Variants in SDHAF4 observed in about 807,000 individuals in gnomAD.
SDHAF4 encodes succinate dehydrogenase assembly factor 4, mitochondrial.
A neutral mutation model predicts 14.3 loss-of-function variants in SDHAF4; 14 were observed. That is an observed-to-expected ratio of 0.98 (90% confidence interval 0.65 to 1.53). The LOEUF (loss-of-function observed/expected upper bound fraction) is 1.53. Among genes scored for constraint, SDHAF4 ranks in the 40% most tolerant of loss-of-function variants. The pLI, the probability that SDHAF4 is intolerant of heterozygous loss-of-function variation, is 0.00. For missense variants in SDHAF4, 141 were observed against 129.3 expected, an observed-to-expected ratio of 1.09 and a Z score of -0.44; for synonymous variants, 63 against 47.3, an observed-to-expected ratio of 1.33 and a Z score of -1.36.
At chr6:70,597,299 ATTT>A in the SDHAF4 span, among the ~76,000 whole-genome samples, 4 of 108,072 alleles carry the variant, frequency 3.7e-5, no homozygotes, top group African/African-American at 1.2e-4. Context: ...CGCCTGGCTA[ATTT>A]TTTTTTTTTT....
chr6:70,567,396 A>T (rs1468021867), intron 1 of SDHAF4: 1 of 193,410 alleles, frequency 5.2e-6, no homozygotes, highest in Non-Finnish European at 1.0e-5. Context: ...TTACTTATTT[A>T]TTTACATCAT....
chr6:70,592,952 C>G (rs1453571052), downstream of SDHAF4, among the ~76,000 whole-genome samples: 1 of 152,224 alleles, frequency 6.6e-6, no homozygotes, highest in Non-Finnish European at 1.5e-5. Context: ...AGCTGCCCCT[C>G]CCATCACAGG....
At position 70,585,997 on chromosome 6, in the gene SDHAF4, G is replaced by T. The variant is rs149656763; in HGVS notation, c.218-2618G>T. Reference sequence around the variant, plus strand: ...TCAGTTGATTTTTGGCAAACCTTTAGAGGGCAAGGAGGATGTTTTTCCTTG... The same window carrying T: ...TCAGTTGATTTTTGGCAAACCTTTATAGGGCAAGGAGGATGTTTTTCCTTG... On this transcript the variant is annotated intron_variant, in intron 2 of 2. Coordinates refer to ENST00000370474, the MANE Select transcript of SDHAF4 (RefSeq NM_145267.3). Among the ~76,000 whole-genome samples, 546 of 152,218 alleles carry T rather than the reference G, an allele frequency of 3.6e-3. 6 individuals carry two copies. The highest frequency in any genetic ancestry group is 0.013 in the African/African-American group (529 of 41,526).
At chr6:70,575,699 GT>G (rs1360345307) in intron 1 of SDHAF4, among the ~76,000 whole-genome samples, 1 of 147,398 alleles carries the variant, frequency 6.8e-6, no homozygotes, top group East Asian at 1.9e-4. Context: ...GTTGTGTGTT[GT>G]TTTTGTATAT....
chr6:70,572,194 A>C (rs1207348696), intron 1 of SDHAF4, among the ~76,000 whole-genome samples: 2 of 148,776 alleles, frequency 1.3e-5, no homozygotes, highest in Non-Finnish European at 3.0e-5. Flanking sequence ...TCAGCCTCAT[A>C]GCTGGAATTA....
downstream of SDHAF4, among the ~76,000 whole-genome samples, chr6:70,593,354 C>A (rs370595971): frequency 4.6e-5 from 7 of 152,234 alleles, no homozygotes; most frequent in East Asian, 3.8e-4. Flanking sequence ...TGCAAGGGCA[C>A]AACCACTGCA....
the SDHAF4 span, chr6:70,596,418 ACT>A: frequency 6.6e-6 from 1 of 151,464 alleles, no homozygotes; most frequent in African/African-American, 2.4e-5. Flanking sequence ...CCTTTCCTTC[ACT>A]CTCTCCTTCA....
intron 1 of SDHAF4, among the ~76,000 whole-genome samples, chr6:70,572,108 G>A (rs1375327696): frequency 2.8e-5 from 3 of 108,810 alleles, no homozygotes; most frequent in South Asian, 6.2e-4. Context: ...TTGCTCTGTC[G>A]CCCAGGCTGG....
intron 1 of SDHAF4, among the ~76,000 whole-genome samples, chr6:70,575,635 C>T (rs78074757): frequency 0.017 from 2,535 of 152,102 alleles, 58 homozygotes; most frequent in African/African-American, 0.057. Flanking sequence ...TGTTTTATAG[C>T]TGTAGAGTTT....
Position 70,588,799 on chromosome 6 carries a change from T to G in SDHAF4, c.*75T>G, listed in dbSNP as rs1765231572. The G allele has an allele frequency of 3.8e-6, 3 of 783,660 alleles. No homozygotes were observed. Among genetic ancestry groups the G allele is most frequent in the Non-Finnish European group, 6.3e-6 (3 of 475,790 alleles). The allele number at this position is 783,660 out of a possible 1,614,324, so 48.5% of individuals were successfully genotyped here. On this transcript the variant is annotated 3_prime_UTR_variant, in exon 3 of 3. Transcript: ENST00000370474. ...ATTAACTTATTTCTGATTATTTTCT[T>G]TCTTTATATCCTTTATGTCGTGTAG...
chr6:70,568,925 A>C (rs940378935), intron 1 of SDHAF4, among the ~76,000 whole-genome samples: 1 of 151,254 alleles, frequency 6.6e-6, no homozygotes, highest in Non-Finnish European at 1.5e-5. Context: ...ACATCTTTTC[A>C]AATATTCACT....
At chr6:70,581,448 A>G (rs572149755) in intron 2 of SDHAF4, among the ~76,000 whole-genome samples, 2 of 152,294 alleles carry the variant, frequency 1.3e-5, no homozygotes, top group Admixed American at 6.5e-5. Flanking sequence ...TCTGACAAAC[A>G]TCACCAAATA....
At position 70,588,628 on chromosome 6, in the gene SDHAF4, T is replaced by C. The variant is rs759248045; in HGVS notation, c.231T>C (p.Asp77=). The C allele has an allele frequency of 5.7e-6, 9 of 1,592,222 alleles. No individual in the cohort carries two copies. Among genetic ancestry groups the C allele is most frequent in the African/African-American group, 4.0e-5 (3 of 74,482 alleles). The part of the protein sequence containing the change: ...EKEPLEKFPD[D]VNPVTKEKGG... ...CGTTTTCCTTAGAATTTCCAGATGA[T>C]GTTAATCCAGTGACCAAAGAAAAAG... is the stretch of plus-strand genomic sequence containing the variant. Residue 77 remains aspartate, a synonymous_variant, in exon 3 of 3, where the codon GAT becomes GAC. Coordinates refer to ENST00000370474, the MANE Select transcript of SDHAF4 (RefSeq NM_145267.3).
intron 2 of SDHAF4, among the ~76,000 whole-genome samples, chr6:70,586,193 T>C (rs746659328): frequency 6.6e-6 from 1 of 152,128 alleles, no homozygotes; most frequent in Non-Finnish European, 1.5e-5. Context: ...CTCAGGAGTA[T>C]AACTGACTTC....
rs1259881560 is a variant in SDHAF4, at chr6:70,579,395, A to G, written c.65-19A>G. On this transcript the variant is annotated intron_variant, in intron 1 of 2. Coordinates refer to ENST00000370474, the MANE Select transcript of SDHAF4 (RefSeq NM_145267.3). ...ATAAATGAACAGCTCCTATTTTTCT[A>G]TTATCTCCACTCTTCTAGGATCACC... The G allele has an allele frequency of 1.4e-6, 2 of 1,451,776 alleles. No homozygotes were observed. Among genetic ancestry groups the G allele is most frequent in the East Asian group, 2.5e-5 (1 of 39,524 alleles). 89.9% of individuals were successfully genotyped at this position (1,451,776 alleles called of 1,614,324 possible).
Position 70,567,076 on chromosome 6 carries a change from C to T in SDHAF4, c.64+72C>T, listed in dbSNP as rs1005969307. The T allele has an allele frequency of 7.7e-6, 11 of 1,424,428 alleles. No individual in the cohort carries two copies. In the Admixed American group the frequency reaches 1.4e-4, roughly 18 times the overall value. 88.2% of individuals were successfully genotyped at this position (1,424,428 alleles called of 1,614,324 possible). ...GCCCAGGCGCAGAGAGAAGCGCCTC[C>T]CGCGGAGGAAGCCGCGTGTGTCCTG... is the stretch of plus-strand genomic sequence containing the variant. On this transcript the variant is annotated intron_variant, in intron 1 of 2. Coordinates refer to ENST00000370474, the MANE Select transcript of SDHAF4 (RefSeq NM_145267.3).
chr6:70,588,214 A>G (rs1479627002), intron 2 of SDHAF4, among the ~76,000 whole-genome samples: 1 of 152,204 alleles, frequency 6.6e-6, no homozygotes, highest in Non-Finnish European at 1.5e-5. Context: ...GCCTATCAGC[A>G]ACGCTGTCTT....
chr6:70,574,344 T>A (rs927534750), intron 1 of SDHAF4, among the ~76,000 whole-genome samples: 13 of 146,566 alleles, frequency 8.9e-5, no homozygotes, highest in Non-Finnish European at 1.7e-4. Flanking sequence ...AAAAAAAAGA[T>A]GCTTAGGGAT....
the SDHAF4 span, chr6:70,596,801 T>A: frequency 6.6e-6 from 1 of 152,210 alleles, no homozygotes; most frequent in Non-Finnish European, 1.5e-5. Flanking sequence ...ATATTACCTA[T>A]TATTAAACTT....
Sources: gnomAD v4.1 joint callset for allele counts (sites outside exome capture counted in the v4.1 genomes callset) on GRCh38, gnomAD v4.1.1 for gene constraint, MANE v1.5 for transcripts, NCBI Gene and HGNC (gene_info 2026-07-23, HGNC 2026-07-21) for gene names.